Variants in EPHB2 observed in about 807,000 individuals in gnomAD.
EPHB2 encodes the protein ephrin type-B receptor 2.
In EPHB2, 18 loss-of-function variants were observed where a neutral mutation model predicts 96.4. The observed-to-expected ratio is 0.19, with a 90% CI of 0.13 to 0.28. The LOEUF (loss-of-function observed/expected upper bound fraction) is 0.28. Ranked by LOEUF, EPHB2 falls within the 10% of genes least tolerant of loss-of-function variation. The probability of loss-of-function intolerance (pLI) is 1.00; values close to 1 mark genes in which losing one functional copy is unlikely to be tolerated. For synonymous variants in EPHB2, 506 were observed against 534.1 expected (o/e 0.95, Z 0.72); for missense variants, 989 against 1,355.4 (o/e 0.73, Z 4.25).
chr1:22,845,525 C>T (rs1274082629), intron 3 of EPHB2, among the ~76,000 whole-genome samples: 1 of 152,122 alleles, frequency 6.6e-6, no homozygotes, highest in African/African-American at 2.4e-5. Context: ...TCCTCATCTC[C>T]AGTTTTCTCG....
chr1:22,830,956 G>A (rs1201349474), intron 3 of EPHB2, among the ~76,000 whole-genome samples: 1 of 152,222 alleles, frequency 6.6e-6, no homozygotes, highest in Non-Finnish European at 1.5e-5. Context: ...AAGAACGACA[G>A]CAGACATTTC....
chr1:22,821,104 T>C (rs1247678010), intron 3 of EPHB2, among the ~76,000 whole-genome samples: 1 of 152,218 alleles, frequency 6.6e-6, no homozygotes, highest in Non-Finnish European at 1.5e-5. Context: ...CTAAGCTGGC[T>C]GCTAACCCTC....
rs564714875 is a variant in EPHB2, at chr1:22,811,607, C to T, written c.811+26531C>T. ...CTCCCATCCAGGCCCCATATGATTC[C>T]TTGTCACCTAATTTCCCCTGAAATG... is the stretch of plus-strand genomic sequence containing the variant. On this transcript the variant is annotated intron_variant, in intron 3 of 15. Transcript: ENST00000374630. 2.8e-4 allele frequency among the ~76,000 whole-genome samples: 42 copies of T among 152,310 alleles called. No individual in the cohort carries two copies. The South Asian group carries it at 6.4e-3, about 23-fold the overall frequency.
chr1:22,711,164 AG>A (rs1424381317), intron 1 of EPHB2, 121 bp downstream of exon 1: 1 of 143,542 alleles, frequency 7.0e-6, no homozygotes, highest in African/African-American at 2.5e-5. Context: ...CGCCGGGCGC[AG>A]GTGGCCGCGG....
intron 2 of EPHB2, among the ~76,000 whole-genome samples, chr1:22,783,309 A>G (rs944963089): frequency 2.0e-5 from 3 of 152,148 alleles, no homozygotes; most frequent in African/African-American, 7.2e-5. Context: ...ATCCCCAGAC[A>G]TGGATAGGAG....
intron 1 of EPHB2, among the ~76,000 whole-genome samples, chr1:22,762,563 C>T (rs1181689106): frequency 2.0e-5 from 3 of 152,092 alleles, no homozygotes; most frequent in Admixed American, 2.0e-4. Flanking sequence ...TTCTGAGACT[C>T]CTGTCTCCAG....
intron 5 of EPHB2, among the ~76,000 whole-genome samples, chr1:22,866,430 A>T (rs1638478824): frequency 6.6e-6 from 1 of 152,094 alleles, no homozygotes; most frequent in Admixed American, 6.5e-5. Context: ...TTGAAGGACC[A>T]GTCGAAATTT....
In EPHB2 at chr1:22,728,483, C is replaced by T. The variant is rs142349293; in HGVS notation, c.61+17440C>T. On this transcript the variant is annotated intron_variant, in intron 1 of 15. Transcript: ENST00000374630. ...AGAAGCCCTGCTTTGTGGGGCCCCA[C>T]AGCCTGCAGGGCTGCACAGCTGCTG... Among the ~76,000 whole-genome samples, 616 of 152,352 alleles carry T rather than the reference C, an allele frequency of 4.0e-3. 17 individuals carry two copies. Among genetic ancestry groups the T allele is most frequent in the Admixed American group, 0.038 (578 of 15,308 alleles).
intron 3 of EPHB2, among the ~76,000 whole-genome samples, chr1:22,840,636 T>C (rs771860913): frequency 6.6e-6 from 1 of 152,074 alleles, no homozygotes; most frequent in Non-Finnish European, 1.5e-5. Flanking sequence ...AATTTTTGTA[T>C]TTTTAGCAGA....
intron 3 of EPHB2, among the ~76,000 whole-genome samples, chr1:22,847,184 C>T (rs1645555831): frequency 6.6e-6 from 1 of 152,238 alleles, no homozygotes; most frequent in Admixed American, 6.5e-5. Flanking sequence ...TGCTTATTAA[C>T]TCCAAGTCTT....
chr1:22,771,682 T>G (rs1644381156), intron 1 of EPHB2, among the ~76,000 whole-genome samples: 2 of 152,198 alleles, frequency 1.3e-5, no homozygotes, highest in South Asian at 4.1e-4. Flanking sequence ...GAGATGAGTA[T>G]TAACGTGGCA....
chr1:22,890,247 C>G (rs538450902), intron 6 of EPHB2, among the ~76,000 whole-genome samples: 2 of 152,118 alleles, frequency 1.3e-5, no homozygotes, highest in Non-Finnish European at 2.9e-5. Context: ...AGCAGAAACC[C>G]CCTCCTGTGG....
chr1:22,717,606 G>C (rs1274132312), intron 1 of EPHB2, among the ~76,000 whole-genome samples: 1 of 152,196 alleles, frequency 6.6e-6, no homozygotes, highest in Non-Finnish European at 1.5e-5. Context: ...ATGTGTCAGA[G>C]GCTCATGGCG....
chr1:22,814,538 C>T (rs566833401), intron 3 of EPHB2, among the ~76,000 whole-genome samples: 23 of 152,302 alleles, frequency 1.5e-4, no homozygotes, highest in African/African-American at 5.1e-4. Flanking sequence ...CTGCCCTTTC[C>T]ATCCATTTCC....
chr1:22,789,782 G>A (rs916713790), intron 3 of EPHB2, among the ~76,000 whole-genome samples: 2 of 152,184 alleles, frequency 1.3e-5, no homozygotes, highest in Non-Finnish European at 2.9e-5. Flanking sequence ...GATGAGTGAA[G>A]GGGGAAAGAA....
chr1:22,892,932 G>A lies in EPHB2; in HGVS notation c.1477G>A (p.Val493Ile), dbSNP rs2148566280. The A allele has an allele frequency of 6.2e-7, 1 of 1,614,204 alleles. No individual in the cohort carries two copies. The highest frequency in any genetic ancestry group is 8.5e-7 in the Non-Finnish European group (1 of 1,180,034). The change falls in exon 7 of 16, where the codon GTC becomes ATC. Residue 493 changes from valine (V) to isoleucine (I), a missense_variant. Transcript: ENST00000374630. ...AGCCATAAAAAGCCCCACCAACACG[G>A]TCACCGTGCAGGGCCTCAAAGCCGG... The part of the protein sequence containing the change: ...ATAIKSPTNT[V>I]TVQGLKAGAI...
In EPHB2 at chr1:22,860,152, TAAGAC is replaced by T. The variant is rs1645771605; in HGVS notation, c.812-2884_812-2880del. On this transcript the variant is annotated intron_variant, in intron 3 of 15. Transcript: ENST00000374630. This position sits in a 1 kb window ranked among gnomAD's most constrained non-coding sequence, Gnocchi z 4.6. ...CAACGTATGTGCCATTGTGGATTTTTAAGACTTGGAAAGGTCTGCACTCCAGAGAG... is the reference window on the plus strand; with the variant it reads ...CAACGTATGTGCCATTGTGGATTTTTTTGGAAAGGTCTGCACTCCAGAGAG... Among the ~76,000 whole-genome samples, 1 of 152,096 alleles carries T rather than the reference TAAGAC, an allele frequency of 6.6e-6. No individual in the cohort carries two copies. Among genetic ancestry groups the T allele is most frequent in the Non-Finnish European group, 1.5e-5 (1 of 67,988 alleles).
At chr1:22,745,865 C>T (rs543385775) in intron 1 of EPHB2, among the ~76,000 whole-genome samples, 3 of 152,106 alleles carry the variant, frequency 2.0e-5, no homozygotes, top group East Asian at 1.9e-4. Context: ...TGTGCCTAGC[C>T]GACGCTGCTC....
intron 5 of EPHB2, among the ~76,000 whole-genome samples, 154 bp from the exon 6 acceptor site, chr1:22,882,205 T>G (rs1639068827): frequency 6.6e-6 from 1 of 152,216 alleles, no homozygotes; most frequent in East Asian, 1.9e-4. Context: ...CTCTGCCCCC[T>G]GTCGGCTCCC....
Sources: allele counts gnomAD v4.1 joint callset (sites outside exome capture counted in the v4.1 genomes callset), GRCh38; gene constraint gnomAD v4.1.1; non-coding constraint Gnocchi (gnomAD v3.1); transcripts MANE v1.5; gene names NCBI Gene and HGNC (gene_info 2026-07-23, HGNC 2026-07-21).